Variants in ASAP1 observed in about 807,000 individuals in gnomAD.
ASAP1 encodes arf-GAP with SH3 domain, ANK repeat and PH domain-containing protein 1.
In ASAP1, 43 loss-of-function variants were observed where a neutral mutation model predicts 145.2. The ratio of observed to expected loss-of-function variants is 0.30; its 90% CI spans 0.23 to 0.38. The LOEUF (loss-of-function observed/expected upper bound fraction) is 0.38. ASAP1 is among the 10% of genes least tolerant of loss of function. ASAP1 has a pLI of 1.00. For missense variants in ASAP1, 1,018 were observed against 1,355.3 expected (o/e 0.75, Z 3.91); for synonymous variants, 546 against 515.5 (o/e 1.06, Z -0.80).
At chr8:130,252,418 T>C (rs1193878618) in intron 3 of ASAP1, among the ~76,000 whole-genome samples, 1 of 152,216 alleles carries the variant, frequency 6.6e-6, no homozygotes, top group African/African-American at 2.4e-5. Context: ...GTACTTAAAA[T>C]ATTTTTAATC....
rs1156952484 is a variant in ASAP1 at position 130,052,774 on chromosome 8, G to C, written c.*1957C>G. 7.3e-6 allele frequency: 1 copy of C among 137,150 alleles called. No individual in the cohort carries two copies. The highest frequency in any genetic ancestry group is 2.7e-5 in the African/African-American group (1 of 37,350). The allele number at this position is 137,150 out of a possible 1,614,324, so 8.5% of individuals were successfully genotyped here. A position where few individuals can be genotyped will look rare whatever the true frequency, so the allele number is the denominator to read the frequency against. ...TTTGAAAAAAACCAGTTTATTTTGA[G>C]ATCAGTGAAAAGAGTCTAGGCCACA... On this transcript the variant is annotated 3_prime_UTR_variant, in exon 30 of 30. Coordinates refer to ENST00000518721, the MANE Select transcript of ASAP1 (RefSeq NM_018482.4).
chr8:130,334,955 A>C (rs1007229529), intron 3 of ASAP1, among the ~76,000 whole-genome samples: 1 of 152,206 alleles, frequency 6.6e-6, no homozygotes, highest in Non-Finnish European at 1.5e-5. Context: ...CAGAATATCA[A>C]GCATCCCTCC....
In ASAP1 at chr8:130,274,453, T is replaced by C. The variant is rs1000036292; in HGVS notation, c.187-37459A>G. ...GCTGGTAAAGAACCAGGCTGAAGAA[T>C]CAAACAGCTGTGGTTTATGGTCTGA... On this transcript the variant is annotated intron_variant, in intron 3 of 29. Coordinates refer to ENST00000518721, the MANE Select transcript of ASAP1 (RefSeq NM_018482.4). Among the ~76,000 whole-genome samples the C allele has an allele frequency of 9.8e-4, 149 of 152,114 alleles. 1 individual carries two copies. The highest frequency in any genetic ancestry group is 3.5e-3 in the African/African-American group (147 of 41,410).
At chr8:130,165,184 T>G (rs2097677448) in intron 11 of ASAP1, among the ~76,000 whole-genome samples, 1 of 152,228 alleles carries the variant, frequency 6.6e-6, no homozygotes, top group African/African-American at 2.4e-5. Flanking sequence ...TTAGCTAGCA[T>G]GAGCGGAACA....
chr8:130,233,282 T>C (rs1433454174), intron 4 of ASAP1, among the ~76,000 whole-genome samples: 1 of 152,322 alleles, frequency 6.6e-6, no homozygotes, highest in South Asian at 2.1e-4. Context: ...TGAATATTAA[T>C]AGCTGGTCTC....
intron 5 of ASAP1, among the ~76,000 whole-genome samples, chr8:130,198,161 T>G (rs891092091): frequency 2.7e-5 from 4 of 147,388 alleles, no homozygotes; most frequent in African/African-American, 1.0e-4. Context: ...TGAGACAGAG[T>G]CTTACTCTGT....
intron 3 of ASAP1, among the ~76,000 whole-genome samples, chr8:130,325,131 ATAAT>A (rs1824247040): frequency 6.6e-6 from 1 of 152,232 alleles, no homozygotes; most frequent in South Asian, 2.1e-4. Context: ...AGCAGCAGTA[ATAAT>A]TAATGTGTGA....
chr8:130,197,738 C>T (rs1815597478), intron 5 of ASAP1, among the ~76,000 whole-genome samples: 1 of 152,174 alleles, frequency 6.6e-6, no homozygotes, highest in African/African-American at 2.4e-5. Context: ...TTAGGGAATC[C>T]CAGGAGTAGT....
At chr8:130,191,968 C>A (rs1815170062) in intron 5 of ASAP1, among the ~76,000 whole-genome samples, 1 of 152,080 alleles carries the variant, frequency 6.6e-6, no homozygotes. Flanking sequence ...TCTCCCTGAA[C>A]AACAACTAAT....
chr8:130,420,893 CAA>C (rs76745841), intron 1 of ASAP1, among the ~76,000 whole-genome samples: 23 of 94,836 alleles, frequency 2.4e-4, no homozygotes, highest in African/African-American at 2.6e-4. Flanking sequence ...AACTCCAACT[CAA>C]AAAAAAAAAA....
intron 4 of ASAP1, among the ~76,000 whole-genome samples, chr8:130,228,966 G>C (rs763479605): frequency 2.6e-5 from 4 of 152,062 alleles, no homozygotes; most frequent in Non-Finnish European, 4.4e-5. Context: ...TCTCCACAAT[G>C]AAACAAGTAC....
chr8:130,134,471 G>A (rs1046322947), intron 14 of ASAP1, 127 bp from the exon 15 acceptor site: 7 of 501,542 alleles, frequency 1.4e-5, no homozygotes, highest in African/African-American at 6.0e-5. Flanking sequence ...TTAGTTTTAC[G>A]CCATTATGTG....
At chr8:130,213,435 T>A (rs1030450017) in intron 5 of ASAP1, among the ~76,000 whole-genome samples, 1 of 152,200 alleles carries the variant, frequency 6.6e-6, no homozygotes, top group Admixed American at 6.5e-5. Flanking sequence ...ATTTTTCAAA[T>A]AGGTTATCTT....
intron 1 of ASAP1, among the ~76,000 whole-genome samples, chr8:130,428,216 A>G (rs1477491387): frequency 6.6e-6 from 1 of 151,830 alleles, no homozygotes; most frequent in Non-Finnish European, 1.5e-5. Context: ...GACTGGGAAT[A>G]TTTACTTTGA....
At chr8:130,148,443 C>A (rs903669626) in intron 13 of ASAP1, among the ~76,000 whole-genome samples, 2 of 152,148 alleles carry the variant, frequency 1.3e-5, no homozygotes, top group Non-Finnish European at 2.9e-5. Flanking sequence ...GCGGTCCCTA[C>A]CTCCTAGGAA....
At chr8:130,240,114 A>G (rs1818434562) in intron 3 of ASAP1, among the ~76,000 whole-genome samples, 1 of 152,162 alleles carries the variant, frequency 6.6e-6, no homozygotes, top group African/African-American at 2.4e-5. Context: ...GATTTCAGCC[A>G]TAACATTTTT....
Position 130,314,640 on chromosome 8 carries a change from C to T in ASAP1, c.186+43377G>A, listed in dbSNP as rs558662499. ...AGGCTTTCCAAACCACAGCATGCTGCGCTTCCCAGTGGCACCTGCAAGGTG... is the reference window on the plus strand; with the variant it reads ...AGGCTTTCCAAACCACAGCATGCTGTGCTTCCCAGTGGCACCTGCAAGGTG... On this transcript the variant is annotated intron_variant, in intron 3 of 29. Transcript: ENST00000518721. Among the ~76,000 whole-genome samples, 32 of 152,360 alleles carry T rather than the reference C, an allele frequency of 2.1e-4. No homozygotes were observed. In the South Asian group the frequency reaches 4.8e-3, roughly 23 times the overall value.
intron 2 of ASAP1, among the ~76,000 whole-genome samples, chr8:130,374,349 A>G (rs1193747896): frequency 6.6e-5 from 10 of 152,350 alleles, no homozygotes; most frequent in Non-Finnish European, 1.5e-4. Context: ...TACTAAAAAT[A>G]TTATTTCTCT....
At chr8:130,335,749 G>C (rs1824992638) in intron 3 of ASAP1, among the ~76,000 whole-genome samples, 1 of 152,208 alleles carries the variant, frequency 6.6e-6, no homozygotes, top group South Asian at 2.1e-4. Context: ...TTTGGTCAGG[G>C]AGAGATAGTC....
Sources: gnomAD v4.1 joint callset for allele counts (sites outside exome capture counted in the v4.1 genomes callset) on GRCh38, gnomAD v4.1.1 for gene constraint, MANE v1.5 for transcripts, NCBI Gene and HGNC (gene_info 2026-07-23, HGNC 2026-07-21) for gene names.